The following ARAP2 variants were observed in gnomAD, a reference collection of about 807,000 sequenced individuals.
The protein encoded by ARAP2 is ArfGAP with RhoGAP domain, ankyrin repeat and PH domain 2.
A neutral mutation model predicts 194.5 loss-of-function variants in ARAP2; 148 were observed. The ratio of observed to expected loss-of-function variants is 0.76; its 90% CI spans 0.67 to 0.87. ARAP2 has a LOEUF of 0.87. ARAP2 is among the 40% of genes least tolerant of loss of function. The pLI is 0.00. For synonymous variants in ARAP2, 695 were observed against 683.5 expected, an observed-to-expected ratio of 1.02 and a Z score of -0.26; for missense variants, 2,128 against 1,989.7, an observed-to-expected ratio of 1.07 and a Z score of -1.32.
chr4:36,169,749 GT>G (rs1314864683), intron 9 of ARAP2, among the ~76,000 whole-genome samples: 1 of 152,074 alleles, frequency 6.6e-6, no homozygotes, highest in Non-Finnish European at 1.5e-5. Context: ...GGCCAAGATG[GT>G]CTCCATTTCC....
chr4:36,107,017 C>T (rs1452476099), intron 27 of ARAP2, among the ~76,000 whole-genome samples: 1 of 151,824 alleles, frequency 6.6e-6, no homozygotes, highest in Non-Finnish European at 1.5e-5. Flanking sequence ...CAGAAATGGT[C>T]TTATATAGTT....
At chr4:36,036,927 A>T (rs1014906824) in intron 5 of ARAP2, among the ~76,000 whole-genome samples, 2 of 152,178 alleles carry the variant, frequency 1.3e-5, no homozygotes, top group Admixed American at 6.6e-5. Context: ...ATGTAATTTA[A>T]TATCAATATA....
intron 5 of ARAP2, among the ~76,000 whole-genome samples, chr4:36,039,348 A>G (rs928961111): frequency 1.3e-5 from 2 of 152,164 alleles, no homozygotes; most frequent in African/African-American, 4.8e-5. Context: ...GTTACTAGTC[A>G]TCTGGTTTAA....
At chr4:36,126,506 C>A (rs1427967234) in intron 21 of ARAP2, among the ~76,000 whole-genome samples, 1 of 151,934 alleles carries the variant, frequency 6.6e-6, no homozygotes, top group Non-Finnish European at 1.5e-5. Context: ...ATAGGTGGTA[C>A]ACGGCTATAA....
At chr4:36,105,405 T>G (rs914982967) in intron 27 of ARAP2, among the ~76,000 whole-genome samples, 2 of 151,978 alleles carry the variant, frequency 1.3e-5, no homozygotes, top group Non-Finnish European at 2.9e-5. Flanking sequence ...CAGCTTGCTT[T>G]CTTCTGCTTT....
intron 7 of ARAP2, 89 bp downstream of exon 7, chr4:36,193,489 C>T (rs1405976612): frequency 2.9e-6 from 2 of 681,982 alleles, no homozygotes; most frequent in African/African-American, 3.7e-5. Context: ...TGAGAATCTA[C>T]CTCCTATTCT....
chr4:36,033,105 T>C (rs1035721735), intron 5 of ARAP2, among the ~76,000 whole-genome samples: 1 of 152,338 alleles, frequency 6.6e-6, no homozygotes, highest in Middle Eastern at 3.4e-3. Context: ...TCTATATCTT[T>C]GCTGTTGTAA....
At chr4:36,098,172 TG>T (rs1417152773) in intron 27 of ARAP2, among the ~76,000 whole-genome samples, 32 of 152,178 alleles carry the variant, frequency 2.1e-4, no homozygotes, top group African/African-American at 7.7e-4. Context: ...TGGAGGAGGC[TG>T]GGGTTGAGGG....
In ARAP2 at chr4:36,229,315, T is replaced by C; in HGVS notation, c.172A>G (p.Arg58Gly). ...KIGISPTGHR[R>G]RILKQLQIIL... ...ATCTGTAACTGTTTAAGTATCCTCC[T>C]ACGGTGACCTGTAGGTGATATTCCA... The change falls in exon 2 of 33, where the codon AGG (arginine) becomes GGG (glycine). Residue 58 changes from arginine to glycine, a missense_variant. Arg to Gly is a moderately radical substitution (Grantham distance 125). Coordinates refer to ENST00000303965, the MANE Select transcript of ARAP2 (RefSeq NM_015230.4). 1 of 1,614,094 alleles carries C rather than the reference T, an allele frequency of 6.2e-7. No individual in the cohort carries two copies. The highest frequency in any genetic ancestry group is 8.5e-7 in the Non-Finnish European group (1 of 1,179,970).
chr4:36,115,705 C>G (rs576663746), intron 25 of ARAP2, among the ~76,000 whole-genome samples: 1 of 152,118 alleles, frequency 6.6e-6, no homozygotes, highest in Admixed American at 6.6e-5. Context: ...AAACTCGGAA[C>G]ATCACCTGCT....
At chr4:36,161,223 G>T (rs1441441234) in intron 12 of ARAP2, among the ~76,000 whole-genome samples, 1 of 150,130 alleles carries the variant, frequency 6.7e-6, no homozygotes, top group Non-Finnish European at 1.5e-5. Context: ...AAACAAGCTG[G>T]CAAACCTTTC....
At chr4:36,160,973 G>T (rs1387892012) in intron 12 of ARAP2, among the ~76,000 whole-genome samples, 1 of 152,162 alleles carries the variant, frequency 6.6e-6, no homozygotes, top group Non-Finnish European at 1.5e-5. Flanking sequence ...AATGCTGTCT[G>T]AAGTGCTTGG....
chr4:36,047,283 G>T (rs1186636607), intron 3 of ARAP2: 1 of 152,280 alleles, frequency 6.6e-6, no homozygotes, highest in South Asian at 2.1e-4. Context: ...TTCACCAGGG[G>T]ACAAAGTTAT....
At chr4:36,164,057 G>C (rs1560570726) in intron 11 of ARAP2, among the ~76,000 whole-genome samples, 1 of 152,180 alleles carries the variant, frequency 6.6e-6, no homozygotes, top group Non-Finnish European at 1.5e-5. Flanking sequence ...ACTGAAGCCT[G>C]TATTCAACTC....
At chr4:36,078,635 G>A (rs1454846140) in intron 31 of ARAP2, among the ~76,000 whole-genome samples, 1 of 152,156 alleles carries the variant, frequency 6.6e-6, no homozygotes, top group East Asian at 1.9e-4. Context: ...AAGATAATTA[G>A]GCTAAATCTT....
chr4:36,232,671 T>C (rs1391609785), intron 1 of ARAP2, among the ~76,000 whole-genome samples: 1 of 152,202 alleles, frequency 6.6e-6, no homozygotes, highest in Non-Finnish European at 1.5e-5. Flanking sequence ...TTAAGCACCA[T>C]TCAAAATTAT....
At chr4:36,022,985 T>C (rs1717268492) in intron 5 of ARAP2, among the ~76,000 whole-genome samples, 1 of 152,272 alleles carries the variant, frequency 6.6e-6, no homozygotes, top group African/African-American at 2.4e-5. Flanking sequence ...TTCTCTGAAT[T>C]TTTTGGATTT....
chr4:36,084,982 A>G (rs1455494865), intron 28 of ARAP2, among the ~76,000 whole-genome samples: 2 of 152,084 alleles, frequency 1.3e-5, no homozygotes, highest in Non-Finnish European at 2.9e-5. Context: ...GATAGGGTAC[A>G]TTTATTTACC....
chr4:36,211,791 ATATGT>A (rs1238739148), intron 5 of ARAP2, among the ~76,000 whole-genome samples: 1 of 152,128 alleles, frequency 6.6e-6, no homozygotes, highest in Non-Finnish European at 1.5e-5. Context: ...TTATATCAAA[ATATGT>A]TATGTACCCC....
Sources: allele counts gnomAD v4.1 joint callset (sites outside exome capture counted in the v4.1 genomes callset), GRCh38; gene constraint gnomAD v4.1.1; transcripts MANE v1.5; gene names NCBI Gene and HGNC (gene_info 2026-07-23, HGNC 2026-07-21).